RBFOX2: variants seen among roughly 807,000 people sequenced by gnomAD.
RBFOX2 encodes RNA binding protein fox-1 homolog 2.
A neutral mutation model predicts 49.1 loss-of-function variants in RBFOX2; 10 were observed. The observed-to-expected ratio is 0.20, with a 90% confidence interval of 0.13 to 0.35. The LOEUF (loss-of-function observed/expected upper bound fraction) is 0.35, where lower values mean the gene tolerates loss of function less well. Among genes scored for constraint, RBFOX2 ranks in the 10% least tolerant of loss-of-function variants. The probability of loss-of-function intolerance (pLI) is 1.00; values close to 1 mark genes in which losing one functional copy is unlikely to be tolerated. For missense variants in RBFOX2, 323 were observed against 486.9 expected (o/e 0.66, Z 3.17); for synonymous variants, 183 against 187.4 (o/e 0.98, Z 0.19).
At position 35,881,816 on chromosome 22, in the gene RBFOX2, G is replaced by A. The variant is rs535818917; in HGVS notation, c.-34+57031C>T. Among the ~76,000 whole-genome samples the A allele has an allele frequency of 3.7e-3, 559 of 151,610 alleles. 1 individual carries two copies. The highest frequency in any genetic ancestry group is 5.9e-3 in the Non-Finnish European group (403 of 67,870). ...TCTAATAAAAATATAAAAATTAGCC[G>A]GGTGTAGTGGCATGGACCTGTAGTC... On this transcript the variant is annotated intron_variant, in intron 1 of 13. Coordinates refer to the RBFOX2 transcript ENST00000359369.
intron 1 of RBFOX2, among the ~76,000 whole-genome samples, chr22:35,878,357 C>G (rs562086226): frequency 6.6e-6 from 1 of 152,212 alleles, no homozygotes; most frequent in African/African-American, 2.4e-5. Context: ...GAGATCATGT[C>G]ATTGCACTCC....
At position 35,801,447 on chromosome 22, in the gene RBFOX2, A is replaced by T. The variant is rs5755952; in HGVS notation, c.252+8333T>A. 4.9e-3 allele frequency among the ~76,000 whole-genome samples: 572 copies of T among 117,820 alleles called. 5 individuals carry two copies. The highest frequency in any genetic ancestry group is 9.9e-3 in the African/African-American group (230 of 23,340). 77.3% of individuals were successfully genotyped at this position (117,820 alleles called of 152,430 possible). ...AACACATACACACACACACACACAC[A>T]CTCTCTCTCTCTCTCTCTCTCCCTC... is the stretch of plus-strand genomic sequence containing the variant. On this transcript the variant is annotated intron_variant, in intron 2 of 11. Coordinates refer to ENST00000405409, the Ensembl canonical transcript of RBFOX2.
intron 1 of RBFOX2, among the ~76,000 whole-genome samples, chr22:35,960,718 A>C (rs552295442): frequency 5.9e-5 from 9 of 152,200 alleles, no homozygotes; most frequent in South Asian, 2.1e-4. Context: ...CTTTTTGACA[A>C]CACCACAAAA....
At chr22:35,891,189 A>G (rs974785723) in intron 1 of RBFOX2, among the ~76,000 whole-genome samples, 2 of 151,976 alleles carry the variant, frequency 1.3e-5, no homozygotes, top group Middle Eastern at 3.2e-3. Flanking sequence ...GCTGGAAAGC[A>G]GTGGCGTGAT....
chr22:35,750,058 G>A (rs1437840225), intron 9 of RBFOX2, among the ~76,000 whole-genome samples: 2 of 152,148 alleles, frequency 1.3e-5, no homozygotes, highest in Non-Finnish European at 2.9e-5. Context: ...GAAACAGTCA[G>A]TCACCACTTG....
intron 1 of RBFOX2, among the ~76,000 whole-genome samples, chr22:35,938,308 T>G (rs1388654763): frequency 6.6e-6 from 1 of 152,236 alleles, no homozygotes; most frequent in Non-Finnish European, 1.5e-5. Context: ...GAAGCAATTC[T>G]GCTCTGACCC....
At chr22:35,899,613 G>A (rs1440512450) in intron 1 of RBFOX2, among the ~76,000 whole-genome samples, 1 of 150,854 alleles carries the variant, frequency 6.6e-6, no homozygotes, top group Non-Finnish European at 1.5e-5. Flanking sequence ...AAAGTGGTAG[G>A]AGAAGAAAAA....
At chr22:36,007,523 ATTATT>A (rs2058663253) in intron 1 of RBFOX2, among the ~76,000 whole-genome samples, 1 of 152,208 alleles carries the variant, frequency 6.6e-6, no homozygotes, top group East Asian at 1.9e-4. Flanking sequence ...ATTTTAATAC[ATTATT>A]TTATTTTTAA....
At chr22:35,739,469 C>T (rs150532024) in exon 12 of RBFOX2, 1 of 152,522 alleles carries the variant, frequency 6.6e-6, no homozygotes, top group African/African-American at 2.4e-5. Flanking sequence ...ACAAGAAAAA[C>T]AATTCATATC....
At chr22:35,891,660 T>C (rs757078231) in intron 1 of RBFOX2, among the ~76,000 whole-genome samples, 6 of 152,204 alleles carry the variant, frequency 3.9e-5, no homozygotes, top group Non-Finnish European at 8.8e-5. Flanking sequence ...AGGGAGAACA[T>C]ATCCTGTTTT....
chr22:35,898,289 G>A, intron 1 of RBFOX2: 3 of 747,192 alleles, frequency 4.0e-6, no homozygotes, highest in Non-Finnish European at 7.5e-6. Flanking sequence ...AGGTATGAGG[G>A]CATGATGAAG....
intron 2 of RBFOX2, among the ~76,000 whole-genome samples, chr22:35,799,975 C>T (rs1379415911): frequency 2.0e-5 from 3 of 151,550 alleles, no homozygotes; most frequent in African/African-American, 7.3e-5. Flanking sequence ...TCCCCCACCC[C>T]CCAAAAAAGG....
At chr22:36,005,331 T>C (rs1338036831) in intron 1 of RBFOX2, among the ~76,000 whole-genome samples, 1 of 152,118 alleles carries the variant, frequency 6.6e-6, no homozygotes, top group Non-Finnish European at 1.5e-5. Context: ...GCATAAAATA[T>C]AAACTCCAAT....
At chr22:36,016,869 G>A (rs2059055663) in intron 1 of RBFOX2, among the ~76,000 whole-genome samples, 1 of 152,238 alleles carries the variant, frequency 6.6e-6, no homozygotes, top group Admixed American at 6.5e-5. Flanking sequence ...CATGTCAGAA[G>A]GAAGTGATAT....
rs568640841 is a variant in RBFOX2, at chr22:35,897,268, T to C, written c.-34+41579A>G. The stretch of plus-strand genomic sequence containing the variant: ...CAAGAGTTGCTCGGGAGGCACTAAA[T>C]GTTGACGGTCTTGGCCAGCTTCACA... On this transcript the variant is annotated intron_variant, in intron 1 of 13. Transcript: ENST00000359369. The C allele has an allele frequency of 1.6e-4, 247 of 1,507,266 alleles. No homozygotes were observed. The Middle Eastern group carries it at 1.7e-3, about 10-fold the overall frequency. 93.4% of individuals were successfully genotyped at this position (1,507,266 alleles called of 1,614,324 possible).
chr22:35,882,649 G>C (rs910690776), intron 1 of RBFOX2, among the ~76,000 whole-genome samples: 2 of 152,194 alleles, frequency 1.3e-5, no homozygotes, highest in Admixed American at 1.3e-4. Flanking sequence ...GACTAGCAGA[G>C]ATAGGACCTA....
chr22:35,806,507 A>G (rs1171483298), intron 2 of RBFOX2, among the ~76,000 whole-genome samples: 1 of 152,206 alleles, frequency 6.6e-6, no homozygotes, highest in Non-Finnish European at 1.5e-5. Flanking sequence ...ATAAGTTGTG[A>G]TAAGTCAAAG....
Position 35,763,995 on chromosome 22 carries a change from C to T in RBFOX2, c.607+1428G>A, listed in dbSNP as rs1022637198. ...GTAAAGAAAATTTGACATTCTTTGC[C>T]TCTCCTTTCTATTTTGTTTACTTTG... On this transcript the variant is annotated intron_variant, in intron 6 of 11. Transcript: ENST00000405409. 5.3e-5 allele frequency among the ~76,000 whole-genome samples: 8 copies of T among 151,320 alleles called. No individual in the cohort carries two copies. The East Asian group carries it at 9.8e-4, about 18-fold the overall frequency.
At position 35,938,599 on chromosome 22, in the gene RBFOX2, T is replaced by C. The variant is rs557690969; in HGVS notation, c.-34+248A>G. 6.4e-4 allele frequency among the ~76,000 whole-genome samples: 98 copies of C among 152,206 alleles called. 1 individual carries two copies. The highest frequency in any genetic ancestry group is 2.0e-3 in the Admixed American group (30 of 15,296). The stretch of plus-strand genomic sequence containing the variant: ...TTATTATGTAGCCTGGAGAAGAAAA[T>C]ACAAAACCAATCATGACTGTGCTTG... On this transcript the variant is annotated intron_variant, in intron 1 of 13. Transcript: ENST00000359369.
Sources: gnomAD v4.1 joint callset for allele counts (sites outside exome capture counted in the v4.1 genomes callset) on GRCh38, gnomAD v4.1.1 for gene constraint, MANE v1.5 for transcripts, NCBI Gene and HGNC (gene_info 2026-07-23, HGNC 2026-07-21) for gene names.